CLVS1: variants seen among roughly 807,000 people sequenced by gnomAD.
The protein encoded by CLVS1 is clavesin-1.
A neutral mutation model predicts 33.1 loss-of-function variants in CLVS1; 10 were observed. The observed-to-expected ratio is 0.30, with a 90% CI of 0.19 to 0.51. The LOEUF (loss-of-function observed/expected upper bound fraction) is 0.51. Ranked by LOEUF, CLVS1 falls within the 20% of genes least tolerant of loss-of-function variation. The pLI is 0.97. For missense variants in CLVS1, 343 were observed against 433.4 expected (o/e 0.79, Z 1.85); for synonymous variants, 163 against 166.1 (o/e 0.98, Z 0.14).
the CLVS1 span, among the ~76,000 whole-genome samples, chr8:60,971,359 G>A: frequency 1.3e-5 from 2 of 152,202 alleles, no homozygotes; most frequent in Non-Finnish European, 2.9e-5. Flanking sequence ...GATTACAGAT[G>A]AGAGCCACTG....
At chr8:61,093,818 G>A (rs529765827) in intron 1 of CLVS1, among the ~76,000 whole-genome samples, 93 of 152,300 alleles carry the variant, frequency 6.1e-4, no homozygotes, top group Admixed American at 1.6e-3. Context: ...TCAGCAGCTC[G>A]CTGCAATGCC....
At chr8:61,042,005 G>A in the CLVS1 span, among the ~76,000 whole-genome samples, 1 of 152,134 alleles carries the variant, frequency 6.6e-6, no homozygotes, top group African/African-American at 2.4e-5. Context: ...TTCTTGATGG[G>A]TACTCTGCAA....
intron 2 of CLVS1, among the ~76,000 whole-genome samples, chr8:61,240,339 C>G (rs1005188925): frequency 1.3e-5 from 2 of 152,154 alleles, no homozygotes; most frequent in Non-Finnish European, 2.9e-5. Context: ...GGAGTTCATT[C>G]CTGACTTAGG....
At chr8:61,059,499 T>TATATATACACAC (rs1265187479) in intron 1 of CLVS1, among the ~76,000 whole-genome samples, 2 of 96,352 alleles carry the variant, frequency 2.1e-5, no homozygotes, top group Non-Finnish European at 4.0e-5. Context: ...TATATATATA[T>TATATATACACAC]ACACATATCT....
intron 2 of CLVS1, among the ~76,000 whole-genome samples, chr8:61,323,880 C>T (rs1199921523): frequency 1.3e-5 from 2 of 152,078 alleles, no homozygotes; most frequent in East Asian, 3.9e-4. Context: ...ACTTATAAGT[C>T]AGAACATGCA....
At chr8:61,310,921 C>T (rs2129595466) in intron 2 of CLVS1, among the ~76,000 whole-genome samples, 1 of 152,256 alleles carries the variant, frequency 6.6e-6, no homozygotes, top group South Asian at 2.1e-4. Context: ...GTGTTGTGAC[C>T]TTGGCAAGAT....
intron 3 of CLVS1, among the ~76,000 whole-genome samples, chr8:61,389,646 C>T (rs1814223054): frequency 6.6e-6 from 1 of 152,146 alleles, no homozygotes; most frequent in Admixed American, 6.5e-5. Context: ...CATTTAGAGT[C>T]ACGTATCTTA....
rs75176287 is a variant in CLVS1 at position 61,438,651 on chromosome 8, T to C, written c.631-15490T>C. ...CTAATTTACATTCCCACCAACTGGG[T>C]AAAAGCGTTCCTATTTCTCTACAAC... On this transcript the variant is annotated intron_variant, in intron 3 of 5. Transcript: ENST00000325897. 8.5e-3 allele frequency among the ~76,000 whole-genome samples: 1,293 copies of C among 152,306 alleles called. 23 individuals carry two copies. The highest frequency in any genetic ancestry group is 0.03 in the African/African-American group (1,247 of 41,560).
chr8:61,244,976 G>A (rs1339623101), intron 2 of CLVS1, among the ~76,000 whole-genome samples: 2 of 151,568 alleles, frequency 1.3e-5, no homozygotes, highest in Non-Finnish European at 2.9e-5. Context: ...TATATTTTAG[G>A]TTATGTAATT....
chr8:61,355,073 G>T (rs1162950944), intron 2 of CLVS1, among the ~76,000 whole-genome samples: 2 of 152,024 alleles, frequency 1.3e-5, no homozygotes, highest in African/African-American at 4.8e-5. Flanking sequence ...TCCCACCTAC[G>T]CCCAAAACAA....
At chr8:61,117,599 C>G (rs1805754450) in intron 1 of CLVS1, among the ~76,000 whole-genome samples, 1 of 149,652 alleles carries the variant, frequency 6.7e-6, no homozygotes, top group Admixed American at 6.6e-5. Context: ...TGAATTTTGT[C>G]AAAGGCTTTT....
chr8:61,028,312 T>A, the CLVS1 span, among the ~76,000 whole-genome samples: 1 of 152,232 alleles, frequency 6.6e-6, no homozygotes, highest in Non-Finnish European at 1.5e-5. Context: ...ATCCGAGTAA[T>A]ATGAATTGAT....
chr8:61,435,927 A>G (rs1327501994), intron 3 of CLVS1, among the ~76,000 whole-genome samples: 1 of 152,258 alleles, frequency 6.6e-6, no homozygotes, highest in Non-Finnish European at 1.5e-5. Flanking sequence ...CATTGCAGAA[A>G]AAAAAATTAG....
intron 1 of CLVS1, among the ~76,000 whole-genome samples, chr8:61,119,571 GT>G: frequency 6.7e-6 from 1 of 149,770 alleles, no homozygotes; most frequent in Admixed American, 6.6e-5. Context: ...AGGCCTGGTG[GT>G]GACAAAATCT....
At chr8:61,415,712 C>A (rs1446119377) in intron 3 of CLVS1, among the ~76,000 whole-genome samples, 1 of 152,108 alleles carries the variant, frequency 6.6e-6, no homozygotes, top group African/African-American at 2.4e-5. Context: ...TTCACACATG[C>A]ACAATGTTTC....
the CLVS1 span, among the ~76,000 whole-genome samples, chr8:61,024,903 A>G: frequency 6.7e-6 from 1 of 149,296 alleles, no homozygotes; most frequent in African/African-American, 2.5e-5. Flanking sequence ...GCTGCAGTGC[A>G]GTGGCGTGAT....
At chr8:61,031,363 G>A in the CLVS1 span, among the ~76,000 whole-genome samples, 4 of 152,182 alleles carry the variant, frequency 2.6e-5, no homozygotes, top group African/African-American at 9.7e-5. Flanking sequence ...GCTTCCTGGT[G>A]CCATCTTCCC....
chr8:61,297,039 A>G (rs1054648882), intron 1 of CLVS1, among the ~76,000 whole-genome samples: 14 of 152,208 alleles, frequency 9.2e-5, no homozygotes, highest in African/African-American at 2.2e-4. Flanking sequence ...AAGAGGAGTC[A>G]ATCAGTGGTT....
chr8:61,149,562 AAAAAAAC>A (rs1236672317), intron 2 of CLVS1, among the ~76,000 whole-genome samples: 3 of 149,918 alleles, frequency 2.0e-5, no homozygotes, highest in South Asian at 2.1e-4. Context: ...AAAAAAAAAA[AAAAAAAC>A]AAAAAACAAA....
Sources: gnomAD v4.1 joint callset for allele counts (sites outside exome capture counted in the v4.1 genomes callset) on GRCh38, gnomAD v4.1.1 for gene constraint, MANE v1.5 for transcripts, NCBI Gene and HGNC (gene_info 2026-07-23, HGNC 2026-07-21) for gene names.